Variants in RAB27B observed in about 807,000 individuals in gnomAD.
The protein encoded by RAB27B is ras-related protein Rab-27B.
In RAB27B, 15 loss-of-function variants were observed where a neutral mutation model predicts 24.6. That is an observed-to-expected ratio of 0.61 (90% confidence interval 0.41 to 0.94). The LOEUF is 0.94. RAB27B is among the 40% of genes least tolerant of loss of function. The pLI is 0.00. For missense variants in RAB27B, 261 were observed against 266.8 expected, an observed-to-expected ratio of 0.98 and a Z score of 0.15; for synonymous variants, 105 against 92.5, an observed-to-expected ratio of 1.14 and a Z score of -0.78.
intron 2 of RAB27B, among the ~76,000 whole-genome samples, chr18:54,728,902 C>CAAAAAAAAAAAAAAAAAAAAAAAAAA (rs1568044214): frequency 2.5e-5 from 1 of 40,574 alleles, no homozygotes; most frequent in Non-Finnish European, 5.4e-5. Context: ...AAAAAAAAAC[C>CAAAAAAAAAAAAAAAAAAAAAAAAAA]CAAAAAAAAA....
upstream of RAB27B, among the ~76,000 whole-genome samples, chr18:54,826,123 G>T (rs1910463273): frequency 6.6e-6 from 1 of 152,166 alleles, no homozygotes; most frequent in South Asian, 2.1e-4. Context: ...TAATAAAGCA[G>T]TTTGAGGAGA....
intron 2 of RAB27B, among the ~76,000 whole-genome samples, chr18:54,754,470 G>T (rs904804647): frequency 4.6e-5 from 7 of 152,286 alleles, no homozygotes; most frequent in Admixed American, 2.6e-4. Context: ...CTTGGATCTA[G>T]TGCAGAAAGG....
intron 1 of RAB27B, among the ~76,000 whole-genome samples, chr18:54,863,876 A>G (rs1912105718): frequency 1.3e-5 from 2 of 152,218 alleles, no homozygotes; most frequent in African/African-American, 4.8e-5. Context: ...ATAACATTGA[A>G]TTGTACATAC....
intron 2 of RAB27B, among the ~76,000 whole-genome samples, chr18:54,748,390 T>C (rs757417221): frequency 6.6e-5 from 10 of 152,180 alleles, no homozygotes; most frequent in Non-Finnish European, 1.5e-4. Flanking sequence ...CTATGATATA[T>C]GTCACAAATA....
intron 4 of RAB27B, 34 bp downstream of exon 4, chr18:54,884,470 T>G (rs777483823): frequency 1.4e-6 from 2 of 1,421,198 alleles, no homozygotes; most frequent in Non-Finnish European, 2.0e-6. Context: ...ATTGGCCGCT[T>G]TGGGACTCAA....
At position 54,877,625 on chromosome 18, in the gene RAB27B, G is replaced by C; in HGVS notation, c.40G>C (p.Ala14Pro). The change falls in exon 2 of 6, where the codon GCC becomes CCC. Residue 14 changes from alanine to proline, a missense_variant. Coordinates refer to ENST00000262094, the MANE Select transcript of RAB27B (RefSeq NM_004163.4). ...GDYDYLIKLL[A>P]LGDSGVGKTT... ...CTATGATTATCTGATCAAACTCCTG[G>C]CCCTCGGGGATTCAGGGGTGGGGAA... The C allele has an allele frequency of 6.3e-7, 1 of 1,591,088 alleles. No homozygotes were observed. The highest frequency in any genetic ancestry group is 8.5e-7 in the Non-Finnish European group (1 of 1,173,274).
intron 2 of RAB27B, among the ~76,000 whole-genome samples, chr18:54,769,436 G>A (rs1486660537): frequency 7.0e-6 from 1 of 142,346 alleles, no homozygotes; most frequent in African/African-American, 2.5e-5. Flanking sequence ...CTCTTTTATT[G>A]TTTGTCCATC....
chr18:54,792,216 G>A (rs1206008454), intron 2 of RAB27B, among the ~76,000 whole-genome samples: 1 of 152,158 alleles, frequency 6.6e-6, no homozygotes, highest in Non-Finnish European at 1.5e-5. Context: ...TGAGGTCGGA[G>A]CCCCATAGCC....
intron 1 of RAB27B, among the ~76,000 whole-genome samples, chr18:54,845,704 C>G (rs1432769548): frequency 6.6e-5 from 10 of 152,104 alleles, no homozygotes; most frequent in African/African-American, 2.2e-4. Context: ...TTCACCAGTT[C>G]CATTCCCACA....
At chr18:54,842,998 G>T (rs1387812857) in intron 1 of RAB27B, among the ~76,000 whole-genome samples, 3 of 152,076 alleles carry the variant, frequency 2.0e-5, no homozygotes, top group Non-Finnish European at 4.4e-5. Flanking sequence ...GTGTTTCACC[G>T]TGTTAGCCAG....
intron 2 of RAB27B, among the ~76,000 whole-genome samples, chr18:54,796,507 G>A (rs1346879932): frequency 6.6e-6 from 1 of 152,170 alleles, no homozygotes; most frequent in African/African-American, 2.4e-5. Flanking sequence ...TGGGGAGCCA[G>A]AAGGGGAGAT....
At chr18:54,856,272 A>G (rs1911782368) in intron 1 of RAB27B, among the ~76,000 whole-genome samples, 1 of 152,202 alleles carries the variant, frequency 6.6e-6, no homozygotes, top group South Asian at 2.1e-4. Context: ...TCAGGTAGAG[A>G]GAACTGCAGT....
chr18:54,872,906 G>A (rs2145261661), intron 1 of RAB27B, among the ~76,000 whole-genome samples: 1 of 152,238 alleles, frequency 6.6e-6, no homozygotes, highest in East Asian at 1.9e-4. Flanking sequence ...TGTGGATCCA[G>A]CAGTAGACAA....
chr18:54,871,945 C>T (rs774833517), intron 1 of RAB27B, among the ~76,000 whole-genome samples: 19 of 151,626 alleles, frequency 1.3e-4, no homozygotes, highest in Non-Finnish European at 2.7e-4. Context: ...ATTCTTGAGA[C>T]TTATCCAGTA....
At chr18:54,721,454 A>C (rs1247740673) in intron 2 of RAB27B, among the ~76,000 whole-genome samples, 1 of 152,212 alleles carries the variant, frequency 6.6e-6, no homozygotes, top group Non-Finnish European at 1.5e-5. Context: ...GCTCTTTCAC[A>C]TAATAGTGAA....
chr18:54,778,919 C>A (rs1908802581), intron 2 of RAB27B, among the ~76,000 whole-genome samples: 1 of 151,732 alleles, frequency 6.6e-6, no homozygotes, highest in African/African-American at 2.4e-5. Flanking sequence ...CAGCTCACTG[C>A]AATTTGCACC....
chr18:54,720,106 T>C (rs1192378464), intron 2 of RAB27B, among the ~76,000 whole-genome samples: 1 of 152,104 alleles, frequency 6.6e-6, no homozygotes, highest in East Asian at 1.9e-4. Flanking sequence ...CTTGACCTAA[T>C]CAAATGAAGA....
intron 2 of RAB27B, among the ~76,000 whole-genome samples, chr18:54,812,955 A>T (rs1174559640): frequency 6.6e-6 from 1 of 152,206 alleles, no homozygotes; most frequent in Non-Finnish European, 1.5e-5. Context: ...GTGAATAAAG[A>T]AGCATAGATT....
intron 2 of RAB27B, among the ~76,000 whole-genome samples, chr18:54,750,130 A>G (rs369694076): frequency 6.6e-6 from 1 of 152,152 alleles, no homozygotes; most frequent in Admixed American, 6.6e-5. Flanking sequence ...TCACTCTAGT[A>G]TGTCTCTGTC....
Sources: gnomAD v4.1 joint callset for allele counts (sites outside exome capture counted in the v4.1 genomes callset) on GRCh38, gnomAD v4.1.1 for gene constraint, MANE v1.5 for transcripts, NCBI Gene and HGNC (gene_info 2026-07-23, HGNC 2026-07-21) for gene names.